HS2ST1: variants seen among roughly 807,000 people sequenced by gnomAD.
HS2ST1 encodes 2-O-sulfotransferase.
In HS2ST1, 18 loss-of-function variants were observed where a neutral mutation model predicts 42.9. The observed-to-expected ratio is 0.42, with a 90% CI of 0.29 to 0.62. The LOEUF is 0.62. Ranked by LOEUF, HS2ST1 falls within the 20% of genes least tolerant of loss-of-function variation. HS2ST1 has a pLI of 0.21. For missense variants in HS2ST1, 334 were observed against 433.8 expected (o/e 0.77, Z 2.04); for synonymous variants, 146 against 152.9 (o/e 0.95, Z 0.33).
chr1:87,076,096 T>C (rs1651536816), intron 2 of HS2ST1, among the ~76,000 whole-genome samples: 1 of 150,424 alleles, frequency 6.6e-6, no homozygotes. Context: ...CCAAAAGTGT[T>C]CCCTACCAAA....
chr1:87,038,434 G>A lies in HS2ST1; in HGVS notation c.125-34500G>A, dbSNP rs150605338. On this transcript the variant is annotated intron_variant, in intron 1 of 6. Coordinates refer to ENST00000370550, the MANE Select transcript of HS2ST1 (RefSeq NM_012262.4). ...TTCCAACAAGTACATTTAGGGTACT[G>A]TTGTAAAACATTTTCAAAATTAAAT... 6.9e-3 allele frequency among the ~76,000 whole-genome samples: 1,043 copies of A among 152,148 alleles called. 19 individuals are homozygous for A. The highest frequency in any genetic ancestry group is 0.024 in the African/African-American group (1,010 of 41,530).
intron 1 of HS2ST1, among the ~76,000 whole-genome samples, chr1:86,923,242 G>A (rs1486331814): frequency 6.6e-6 from 1 of 151,982 alleles, no homozygotes; most frequent in Non-Finnish European, 1.5e-5. Flanking sequence ...CCGTTTTGAC[G>A]CCCTGAGACT....
At chr1:87,020,620 A>T (rs1649914114) in intron 1 of HS2ST1, among the ~76,000 whole-genome samples, 1 of 152,174 alleles carries the variant, frequency 6.6e-6, no homozygotes, top group Non-Finnish European at 1.5e-5. Context: ...AACATCTGAC[A>T]GTTTTGGAGG....
intron 2 of HS2ST1, among the ~76,000 whole-genome samples, chr1:87,079,752 T>C (rs1285881136): frequency 6.6e-6 from 1 of 151,488 alleles, no homozygotes; most frequent in South Asian, 2.1e-4. Context: ...TTAACAATAG[T>C]AGAGGCCAGG....
intron 1 of HS2ST1, among the ~76,000 whole-genome samples, chr1:86,925,076 C>T (rs1485985587): frequency 6.6e-6 from 1 of 152,148 alleles, no homozygotes; most frequent in African/African-American, 2.4e-5. Context: ...ACCAGAAACC[C>T]TAAATCATCT....
At chr1:86,988,153 A>G (rs150995333) in intron 1 of HS2ST1, among the ~76,000 whole-genome samples, 4 of 152,342 alleles carry the variant, frequency 2.6e-5, no homozygotes, top group Middle Eastern at 3.4e-3. Flanking sequence ...AGCCTTTTCT[A>G]AACTTTCTGA....
chr1:86,973,887 C>G (rs1361238824), intron 1 of HS2ST1, among the ~76,000 whole-genome samples: 4 of 152,118 alleles, frequency 2.6e-5, no homozygotes, highest in African/African-American at 7.2e-5. Context: ...CCAGAGGAGT[C>G]TTGTGACAAT....
intron 1 of HS2ST1, among the ~76,000 whole-genome samples, chr1:86,966,069 G>A (rs1484120269): frequency 6.6e-6 from 1 of 152,204 alleles, no homozygotes; most frequent in East Asian, 1.9e-4. Flanking sequence ...ACAGGTAGAA[G>A]GGAGAAGCCA....
chr1:86,987,662 A>G (rs1557505776), intron 1 of HS2ST1, among the ~76,000 whole-genome samples: 1 of 152,092 alleles, frequency 6.6e-6, no homozygotes, highest in Non-Finnish European at 1.5e-5. Context: ...ACTGCAATAG[A>G]CTGTCTGACT....
At chr1:87,008,192 G>T (rs1462169663) in intron 1 of HS2ST1, among the ~76,000 whole-genome samples, 1 of 152,104 alleles carries the variant, frequency 6.6e-6, no homozygotes, top group Non-Finnish European at 1.5e-5. Context: ...CTCAAGAGAA[G>T]CAAAGTCAAT....
At chr1:87,057,087 C>T (rs917075000) in intron 1 of HS2ST1, among the ~76,000 whole-genome samples, 3 of 152,134 alleles carry the variant, frequency 2.0e-5, no homozygotes, top group African/African-American at 7.2e-5. Context: ...TTAAGCCAGA[C>T]ACTTTATAAG....
chr1:86,943,659 A>G (rs1647229892), intron 1 of HS2ST1, among the ~76,000 whole-genome samples: 1 of 151,912 alleles, frequency 6.6e-6, no homozygotes, highest in Non-Finnish European at 1.5e-5. Context: ...GATTGAGAGT[A>G]CAGTGAGCAC....
Position 87,045,985 on chromosome 1 carries a change from A to T in HS2ST1, c.125-26949A>T, listed in dbSNP as rs1388184206. On this transcript the variant is annotated intron_variant, in intron 1 of 6. Transcript: ENST00000370550. Reference sequence around the variant, plus strand: ...CAACAGTTTTTGTTTCAAAAGAAACATGTTGGAAGATCAAAGGCACAGGTT... The same window carrying T: ...CAACAGTTTTTGTTTCAAAAGAAACTTGTTGGAAGATCAAAGGCACAGGTT... The T allele has an allele frequency of 9.9e-6, 7 of 709,338 alleles. No individual in the cohort carries two copies. In the Admixed American group the frequency reaches 1.1e-4, roughly 11 times the overall value. 43.9% of individuals were successfully genotyped at this position (709,338 alleles called of 1,614,324 possible).
chr1:87,044,861 A>G (rs1024642877), intron 1 of HS2ST1: 6 of 972,428 alleles, frequency 6.2e-6, no homozygotes, highest in Non-Finnish European at 9.0e-6. Context: ...AACAAAGGAC[A>G]TAACAAATAA....
At chr1:86,982,883 C>A (rs928606129) in intron 1 of HS2ST1, among the ~76,000 whole-genome samples, 20 of 152,190 alleles carry the variant, frequency 1.3e-4, no homozygotes, top group Non-Finnish European at 2.8e-4. Flanking sequence ...TCGTCTCTCT[C>A]AAGTTCAAAG....
At chr1:86,993,092 T>A (rs1485684472) in intron 1 of HS2ST1, 1 of 1,598,948 alleles carries the variant, frequency 6.3e-7, no homozygotes. Flanking sequence ...ATGCTGTTTA[T>A]CAAATTCATT....
At chr1:87,013,000 G>T (rs61773071) in intron 1 of HS2ST1, among the ~76,000 whole-genome samples, 13,348 of 152,266 alleles carry the variant, frequency 0.088, 681 homozygotes, top group Non-Finnish European at 0.12. Context: ...CTGTGGCTTC[G>T]CAGGGTACAG....
intron 1 of HS2ST1, among the ~76,000 whole-genome samples, chr1:86,958,854 T>A (rs1647745961): frequency 6.6e-6 from 1 of 152,134 alleles, no homozygotes; most frequent in Non-Finnish European, 1.5e-5. Context: ...TATTAGCAAA[T>A]CAAATCCAAA....
rs1477832716 is a variant in HS2ST1, at chr1:87,101,046, T to C, written c.687-2386T>C. Among the ~76,000 whole-genome samples, 7 of 152,088 alleles carry C rather than the reference T, an allele frequency of 4.6e-5. No individual in the cohort carries two copies. In the East Asian group the frequency reaches 1.3e-3, roughly 29 times the overall value. On this transcript the variant is annotated intron_variant, in intron 5 of 6. Coordinates refer to ENST00000370550, the MANE Select transcript of HS2ST1 (RefSeq NM_012262.4). ...GTCATTCCTTTGCTCTTGCATTTGA[T>C]TGTAGCCTCTTAGACACAGCCAGGC...
Sources: allele counts gnomAD v4.1 joint callset (sites outside exome capture counted in the v4.1 genomes callset), GRCh38; gene constraint gnomAD v4.1.1; transcripts MANE v1.5; gene names NCBI Gene and HGNC (gene_info 2026-07-23, HGNC 2026-07-21).